The following DDX4 variants were observed in gnomAD, a reference collection of about 807,000 sequenced individuals.
DDX4 encodes DEAD-box helicase 4, also known as probable ATP-dependent RNA helicase DDX4.
DDX4 carries 25 observed loss-of-function variants against 100.0 expected under a neutral mutation model. That is an observed-to-expected ratio of 0.25 (90% CI 0.18 to 0.35). The LOEUF is 0.35. DDX4 is among the 10% of genes least tolerant of loss of function. The pLI is 1.00. For missense variants in DDX4, 635 were observed against 882.4 expected, an observed-to-expected ratio of 0.72 and a Z score of 3.55; for synonymous variants, 259 against 275.7, an observed-to-expected ratio of 0.94 and a Z score of 0.60.
chr5:55,808,631 A>C (rs1268555116), intron 18 of DDX4, among the ~76,000 whole-genome samples: 1 of 152,208 alleles, frequency 6.6e-6, no homozygotes, highest in Non-Finnish European at 1.5e-5. Flanking sequence ...GCAGAACAGC[A>C]GATATTGGTG....
chr5:55,771,721 A>G lies in DDX4; in HGVS notation c.394+3781A>G, dbSNP rs1351553879. 8.6e-5 allele frequency among the ~76,000 whole-genome samples: 13 copies of G among 151,838 alleles called. 1 individual carries two copies. ...GGTATTTTCTTTTTCTCTCCTTTTAACCATTCTGCTGGTTGTGTGGTGGTG... is the reference window on the plus strand; with the variant it reads ...GGTATTTTCTTTTTCTCTCCTTTTAGCCATTCTGCTGGTTGTGTGGTGGTG... On this transcript the variant is annotated intron_variant, in intron 7 of 21. Transcript: ENST00000505374.
At chr5:55,772,177 C>T (rs958480477) in intron 7 of DDX4, among the ~76,000 whole-genome samples, 13 of 152,184 alleles carry the variant, frequency 8.5e-5, no homozygotes, top group African/African-American at 3.1e-4. Context: ...CGCCACTGCA[C>T]TCCAGCCTGG....
intron 7 of DDX4, among the ~76,000 whole-genome samples, chr5:55,768,523 A>G (rs754267305): frequency 1.3e-5 from 2 of 152,026 alleles, no homozygotes; most frequent in African/African-American, 2.4e-5. Flanking sequence ...TGTCCAGTCT[A>G]CTGTTGGTGG....
rs1561521590 is a variant in DDX4, at chr5:55,815,066, A to T, written c.1881A>T (p.Arg627=). Residue 627 remains arginine, a synonymous_variant, in exon 20 of 22, where the codon CGA becomes CGT. Transcript: ENST00000505374. ...LPSTIDEYVH[R]IGRTGRCGNT... ...CTACCATTGATGAATATGTTCATCG[A>T]ATTGGGCGTACTGGTCGTTGTGGGA... The T allele has an allele frequency of 6.2e-7, 1 of 1,614,204 alleles. No individual in the cohort carries two copies. The highest frequency in any genetic ancestry group is 8.5e-7 in the Non-Finnish European group (1 of 1,180,028).
intron 2 of DDX4, among the ~76,000 whole-genome samples, chr5:55,742,791 A>G (rs1759048732): frequency 6.6e-6 from 1 of 152,170 alleles, no homozygotes; most frequent in Admixed American, 6.6e-5. Flanking sequence ...GTTACATTGT[A>G]TTTTACTGGA....
At chr5:55,752,526 T>C (rs1386526948) in intron 3 of DDX4, among the ~76,000 whole-genome samples, 1 of 146,098 alleles carries the variant, frequency 6.8e-6, no homozygotes, top group Non-Finnish European at 1.5e-5. Flanking sequence ...TCATTTTTTA[T>C]GGCTGCATAG....
chr5:55,812,062 G>C (rs544923966), intron 18 of DDX4, among the ~76,000 whole-genome samples: 32 of 152,124 alleles, frequency 2.1e-4, no homozygotes, highest in African/African-American at 7.7e-4. Context: ...TGTAAACTTG[G>C]ATTCTTAAAA....
intron 15 of DDX4, among the ~76,000 whole-genome samples, chr5:55,789,997 C>T (rs944104631): frequency 3.9e-5 from 6 of 151,988 alleles, no homozygotes; most frequent in Non-Finnish European, 5.9e-5. Context: ...TGCTAATCCT[C>T]ATGTAACATG....
At chr5:55,815,474 A>G in intron 21 of DDX4, 51 bp downstream of exon 21, 2 of 1,574,998 alleles carry the variant, frequency 1.3e-6, no homozygotes, top group Non-Finnish European at 1.7e-6. Flanking sequence ...CTCTTTGTAA[A>G]TGTTGTGCTT....
intron 18 of DDX4, among the ~76,000 whole-genome samples, chr5:55,812,678 CTATCTT>C (rs1469138220): frequency 1.3e-5 from 2 of 152,140 alleles, no homozygotes; most frequent in Non-Finnish European, 2.9e-5. Flanking sequence ...GCACAGTTCA[CTATCTT>C]TATATCTTTA....
intron 17 of DDX4, among the ~76,000 whole-genome samples, chr5:55,794,183 C>CT (rs70995739): frequency 0.13 from 17,685 of 136,120 alleles, 1,580 homozygotes; most frequent in East Asian, 0.3. Context: ...TATTTTCTTT[C>CT]TTTTTTTTTT....
intron 18 of DDX4, among the ~76,000 whole-genome samples, chr5:55,799,387 A>T (rs2112107941): frequency 6.6e-6 from 1 of 152,010 alleles, no homozygotes; most frequent in Admixed American, 6.6e-5. Flanking sequence ...ATTATTTTTA[A>T]TTTTTTGAGA....
rs1390001924 is a variant in DDX4, at chr5:55,753,501, T to C, written c.128-6699T>C. Among the ~76,000 whole-genome samples the C allele has an allele frequency of 5.9e-5, 9 of 152,330 alleles. 1 individual carries two copies. In the East Asian group the frequency reaches 1.7e-3, roughly 29 times the overall value. Reference sequence around the variant, plus strand: ...AGTTGTAGATATGCTGCGTTATTTCTGAGGGCTCTGTTCTGTTCCATTGGT... The same window carrying C: ...AGTTGTAGATATGCTGCGTTATTTCCGAGGGCTCTGTTCTGTTCCATTGGT... On this transcript the variant is annotated intron_variant, in intron 3 of 21. Transcript: ENST00000505374.
At chr5:55,812,284 G>A (rs1428519773) in intron 18 of DDX4, among the ~76,000 whole-genome samples, 4 of 152,096 alleles carry the variant, frequency 2.6e-5, no homozygotes, top group Admixed American at 1.3e-4. Context: ...CGTAGGGGCC[G>A]GGCGCGGTGG....
At chr5:55,799,550 GT>G (rs1221896118) in intron 18 of DDX4, among the ~76,000 whole-genome samples, 1 of 151,728 alleles carries the variant, frequency 6.6e-6, no homozygotes, top group African/African-American at 2.4e-5. Flanking sequence ...CAGTTTTTTA[GT>G]TTTTGTAGAG....
chr5:55,807,322 A>G (rs1743796953), intron 18 of DDX4, among the ~76,000 whole-genome samples: 1 of 152,144 alleles, frequency 6.6e-6, no homozygotes, highest in African/African-American at 2.4e-5. Flanking sequence ...GCCCATTTAC[A>G]TTTAAGGTTA....
intron 18 of DDX4, among the ~76,000 whole-genome samples, chr5:55,811,699 G>C (rs920831604): frequency 6.6e-6 from 1 of 152,098 alleles, no homozygotes; most frequent in African/African-American, 2.4e-5. Context: ...ATTTCATAAA[G>C]GAAATTGGGA....
intron 18 of DDX4, among the ~76,000 whole-genome samples, chr5:55,807,010 A>C (rs1260519575): frequency 1.3e-5 from 2 of 152,288 alleles, no homozygotes; most frequent in South Asian, 4.1e-4. Flanking sequence ...GTGCTCCTGT[A>C]TTGGGTGCAT....
intron 18 of DDX4, among the ~76,000 whole-genome samples, chr5:55,805,173 T>C (rs1200740099): frequency 6.6e-6 from 1 of 151,858 alleles, no homozygotes; most frequent in African/African-American, 2.4e-5. Context: ...ACATTGATTT[T>C]GTATCCTGAG....
Sources: allele counts gnomAD v4.1 joint callset (sites outside exome capture counted in the v4.1 genomes callset), GRCh38; gene constraint gnomAD v4.1.1; transcripts MANE v1.5; gene names NCBI Gene and HGNC (gene_info 2026-07-23, HGNC 2026-07-21).